The following MCC variants were observed in gnomAD, a reference collection of about 807,000 sequenced individuals.
The protein encoded by MCC is colorectal mutant cancer protein.
In MCC, 90 loss-of-function variants were observed where a neutral mutation model predicts 116.2. That is an observed-to-expected ratio of 0.77 (90% CI 0.65 to 0.92). MCC has a LOEUF of 0.92. Ranked by LOEUF, MCC falls within the 40% of genes least tolerant of loss-of-function variation. MCC has a pLI of 0.00. For missense variants in MCC, 1,516 were observed against 1,312.2 expected (o/e 1.16, Z -2.40); for synonymous variants, 578 against 510.5 (o/e 1.13, Z -1.78).
intron 1 of MCC, among the ~76,000 whole-genome samples, chr5:113,468,253 T>G (rs1771972516): frequency 6.6e-6 from 1 of 152,210 alleles, no homozygotes; most frequent in African/African-American, 2.4e-5. Context: ...CATCCCTGTC[T>G]TGTGCCAGTT....
chr5:113,149,067 A>T (rs1319871881), intron 4 of MCC, among the ~76,000 whole-genome samples: 1 of 152,184 alleles, frequency 6.6e-6, no homozygotes, highest in Non-Finnish European at 1.5e-5. Flanking sequence ...AAAATCCAAG[A>T]CTACTGTACA....
At chr5:113,080,208 C>A (rs1185745844) in intron 11 of MCC, among the ~76,000 whole-genome samples, 3 of 152,198 alleles carry the variant, frequency 2.0e-5, no homozygotes, top group Non-Finnish European at 1.5e-5. Context: ...GTTGGTGGGA[C>A]TGTAAACTAG....
chr5:113,104,069 T>C, intron 7 of MCC, 123 bp downstream of exon 7: 1 of 1,036,958 alleles, frequency 9.6e-7, no homozygotes, highest in East Asian at 2.6e-5. Flanking sequence ...CAATCTATTG[T>C]ATGGCTCTCA....
chr5:113,112,667 C>T (rs894581031), intron 6 of MCC, among the ~76,000 whole-genome samples: 1 of 152,228 alleles, frequency 6.6e-6, no homozygotes, highest in Non-Finnish European at 1.5e-5. Context: ...CCCTTTGGCA[C>T]TCAGCCCTAA....
At chr5:113,467,637 T>C (rs1339777459) in intron 1 of MCC, among the ~76,000 whole-genome samples, 1 of 152,212 alleles carries the variant, frequency 6.6e-6, no homozygotes, top group African/African-American at 2.4e-5. Context: ...AGCTTTGTTC[T>C]TTTGGCTTAG....
At chr5:113,281,607 T>C (rs1475871762) in intron 3 of MCC, among the ~76,000 whole-genome samples, 1 of 152,216 alleles carries the variant, frequency 6.6e-6, no homozygotes, top group Non-Finnish European at 1.5e-5. Context: ...GGAATTAGTA[T>C]TGCCACTTGT....
intron 3 of MCC, among the ~76,000 whole-genome samples, chr5:113,254,238 G>T (rs1412039939): frequency 6.6e-6 from 1 of 152,116 alleles, no homozygotes; most frequent in African/African-American, 2.4e-5. Flanking sequence ...TAAGCATGAG[G>T]ACGGATAAGC....
intron 3 of MCC, among the ~76,000 whole-genome samples, chr5:113,160,906 T>G (rs533529914): frequency 3.9e-5 from 6 of 152,258 alleles, no homozygotes; most frequent in African/African-American, 1.4e-4. Context: ...AACAAGCCCT[T>G]ACAAACACCT....
At chr5:113,299,346 A>AG (rs1561514669) in intron 3 of MCC, among the ~76,000 whole-genome samples, 3 of 129,568 alleles carry the variant, frequency 2.3e-5, no homozygotes, top group Non-Finnish European at 3.2e-5. Context: ...AAAAAAAAAA[A>AG]GAGTAGGGCT....
chr5:113,409,195 C>T (rs916311563), intron 1 of MCC, among the ~76,000 whole-genome samples: 32 of 152,148 alleles, frequency 2.1e-4, no homozygotes, highest in African/African-American at 7.5e-4. Flanking sequence ...CATATTAGCA[C>T]TTGTCTGGAA....
intron 1 of MCC, among the ~76,000 whole-genome samples, chr5:113,454,642 C>A (rs1771494015): frequency 6.6e-6 from 1 of 152,152 alleles, no homozygotes; most frequent in African/African-American, 2.4e-5. Context: ...GATGTTCCCA[C>A]ATTATCAGCA....
intron 3 of MCC, among the ~76,000 whole-genome samples, chr5:113,244,701 C>T (rs2150340674): frequency 6.6e-6 from 1 of 152,306 alleles, no homozygotes; most frequent in Middle Eastern, 3.4e-3. Flanking sequence ...AGTGAGTTTA[C>T]TGATTTCCAC....
chr5:113,353,579 T>C (rs778037316), intron 2 of MCC, among the ~76,000 whole-genome samples: 5 of 152,160 alleles, frequency 3.3e-5, no homozygotes, highest in Non-Finnish European at 5.9e-5. Flanking sequence ...CCCACAGATA[T>C]ACGTAAACAT....
chr5:113,046,936 C>A (rs1050300493), intron 16 of MCC, among the ~76,000 whole-genome samples: 1 of 152,076 alleles, frequency 6.6e-6, no homozygotes, highest in African/African-American at 2.4e-5. Flanking sequence ...CATGATTCCG[C>A]ACGGCCCTCA....
intron 1 of MCC, among the ~76,000 whole-genome samples, chr5:113,462,703 T>G (rs1771776647): frequency 6.6e-6 from 1 of 152,202 alleles, no homozygotes; most frequent in African/African-American, 2.4e-5. Context: ...TTTAAAGAAA[T>G]GTACTAGTAA....
At chr5:113,472,500 A>G (rs1362188375) in intron 1 of MCC, among the ~76,000 whole-genome samples, 2 of 152,228 alleles carry the variant, frequency 1.3e-5, no homozygotes, top group African/African-American at 4.8e-5. Flanking sequence ...AAGTTATAAT[A>G]TATTCAACTT....
intron 3 of MCC, among the ~76,000 whole-genome samples, chr5:113,185,997 A>T (rs1403621945): frequency 6.6e-6 from 1 of 152,250 alleles, no homozygotes; most frequent in East Asian, 1.9e-4. Context: ...ATCTGAAAAC[A>T]AGGACTGTAT....
At position 113,039,708 on chromosome 5, in the gene MCC, C is replaced by T. The variant is rs1041984742; in HGVS notation, c.2756+3822G>A. 9.1e-5 allele frequency among the ~76,000 whole-genome samples: 10 copies of T among 109,426 alleles called. 1 individual carries two copies. Among genetic ancestry groups the T allele is most frequent in the African/African-American group, 1.8e-4 (5 of 27,436 alleles). 71.8% of individuals were successfully genotyped at this position (109,426 alleles called of 152,430 possible). A position where few individuals can be genotyped will look rare whatever the true frequency, so the allele number is the denominator to read the frequency against. ...ATCACTCAGCCTTGCCGTCCCACTC[C>T]GCGCCCCCCCCCCCAACCCACCCCA... is the stretch of plus-strand genomic sequence containing the variant. On this transcript the variant is annotated intron_variant, in intron 17 of 18. Transcript: ENST00000408903.
At chr5:113,113,822 A>G (rs1757240176) in intron 6 of MCC, among the ~76,000 whole-genome samples, 1 of 152,138 alleles carries the variant, frequency 6.6e-6, no homozygotes, top group Non-Finnish European at 1.5e-5. Context: ...TCTAGATTAA[A>G]GGAGAGTCAA....
Sources: allele counts gnomAD v4.1 joint callset (sites outside exome capture counted in the v4.1 genomes callset), GRCh38; gene constraint gnomAD v4.1.1; transcripts MANE v1.5; gene names NCBI Gene and HGNC (gene_info 2026-07-23, HGNC 2026-07-21).